The following SGCZ variants were observed in gnomAD, a reference collection of about 807,000 sequenced individuals.
The protein encoded by SGCZ is sarcoglycan zeta.
Under a neutral mutation model 41.3 loss-of-function variants are expected in SGCZ, and 40 were observed. That is an observed-to-expected ratio of 0.97 (90% CI 0.75 to 1.26). SGCZ has a LOEUF of 1.26. Among genes scored for constraint, SGCZ ranks in the 50% most tolerant of loss-of-function variants. The probability of loss-of-function intolerance (pLI) is 0.00; values close to 1 mark genes in which losing one functional copy is unlikely to be tolerated. For synonymous variants in SGCZ, 206 were observed against 137.5 expected, an observed-to-expected ratio of 1.50 and a Z score of -3.49; for missense variants, 552 against 369.8, an observed-to-expected ratio of 1.49 and a Z score of -4.04.
intron 1 of SGCZ, among the ~76,000 whole-genome samples, chr8:15,142,717 T>A (rs921171119): frequency 7.3e-6 from 1 of 137,556 alleles, no homozygotes; most frequent in Admixed American, 7.5e-5. Flanking sequence ...GCTCAAGTCA[T>A]CCTCCAACCT....
chr8:14,682,769 G>T (rs773522331), intron 1 of SGCZ, among the ~76,000 whole-genome samples: 2 of 152,144 alleles, frequency 1.3e-5, no homozygotes, highest in African/African-American at 4.8e-5. Context: ...CTTTTACCAT[G>T]CAGAATACTT....
chr8:14,159,923 G>C (rs902432037), intron 5 of SGCZ, among the ~76,000 whole-genome samples: 6 of 152,132 alleles, frequency 3.9e-5, no homozygotes, highest in Non-Finnish European at 5.9e-5. Context: ...TTAAAAGACA[G>C]CTCTTCAGAA....
chr8:15,130,456 C>T (rs1020885672), intron 1 of SGCZ, among the ~76,000 whole-genome samples: 11 of 152,118 alleles, frequency 7.2e-5, no homozygotes, highest in African/African-American at 2.7e-4. Context: ...AATTTTGTAG[C>T]AAATACATAC....
chr8:14,731,966 GA>G (rs938236995), intron 1 of SGCZ, among the ~76,000 whole-genome samples: 1 of 152,114 alleles, frequency 6.6e-6, no homozygotes, highest in African/African-American at 2.4e-5. Flanking sequence ...CCATTAATGT[GA>G]AATATGACAC....
chr8:15,215,876 G>T (rs1801382919), intron 1 of SGCZ, among the ~76,000 whole-genome samples: 1 of 152,274 alleles, frequency 6.6e-6, no homozygotes, highest in African/African-American at 2.4e-5. Flanking sequence ...AATGTGATGA[G>T]ACAGTACAAA....
At chr8:15,162,694 T>C (rs1799545272) in intron 1 of SGCZ, among the ~76,000 whole-genome samples, 2 of 152,236 alleles carry the variant, frequency 1.3e-5, no homozygotes, top group African/African-American at 4.8e-5. Flanking sequence ...GGACACCTTA[T>C]CATCATCTTC....
At chr8:14,486,818 G>C (rs966166763) in intron 2 of SGCZ, among the ~76,000 whole-genome samples, 4 of 152,170 alleles carry the variant, frequency 2.6e-5, no homozygotes, top group African/African-American at 9.7e-5. Flanking sequence ...ACCACACTTG[G>C]GCTGTGAATG....
chr8:14,173,351 G>C (rs1338424240), intron 4 of SGCZ, among the ~76,000 whole-genome samples: 1 of 151,928 alleles, frequency 6.6e-6, no homozygotes, highest in Non-Finnish European at 1.5e-5. Flanking sequence ...AGATGTAAAG[G>C]AAGACGGACA....
At chr8:14,748,369 T>G (rs1799399870) in intron 1 of SGCZ, among the ~76,000 whole-genome samples, 1 of 152,180 alleles carries the variant, frequency 6.6e-6, no homozygotes, top group African/African-American at 2.4e-5. Context: ...TATGGTGGCA[T>G]GAATGGGCAA....
chr8:15,001,126 A>G (rs571364768), intron 1 of SGCZ, among the ~76,000 whole-genome samples: 2 of 152,350 alleles, frequency 1.3e-5, no homozygotes, highest in South Asian at 2.1e-4. Flanking sequence ...GCCATGCCCA[A>G]AGATTGGGAG....
intron 1 of SGCZ, among the ~76,000 whole-genome samples, chr8:14,588,586 C>A (rs1464117845): frequency 6.6e-6 from 1 of 151,746 alleles, no homozygotes; most frequent in East Asian, 1.9e-4. Context: ...GTTTAAACTA[C>A]TTGGGCAAAT....
At chr8:14,924,752 A>C (rs1389313086) in intron 1 of SGCZ, among the ~76,000 whole-genome samples, 1 of 152,178 alleles carries the variant, frequency 6.6e-6, no homozygotes, top group Admixed American at 6.5e-5. Flanking sequence ...AGGCTAAAAA[A>C]CACAAAATGT....
At chr8:14,329,942 C>A (rs147659716) in intron 2 of SGCZ, among the ~76,000 whole-genome samples, 1 of 151,964 alleles carries the variant, frequency 6.6e-6, no homozygotes, top group Admixed American at 6.6e-5. Flanking sequence ...AACAGCTCCA[C>A]GTTTTGCCAT....
At chr8:15,121,794 T>C (rs1349841220) in intron 1 of SGCZ, among the ~76,000 whole-genome samples, 2 of 151,820 alleles carry the variant, frequency 1.3e-5, no homozygotes, top group Admixed American at 1.3e-4. Context: ...AAGCATGGTT[T>C]TGAAAACAGT....
chr8:14,339,516 A>T (rs1293805453), intron 2 of SGCZ, among the ~76,000 whole-genome samples: 1 of 152,202 alleles, frequency 6.6e-6, no homozygotes, highest in Non-Finnish European at 1.5e-5. Flanking sequence ...AATCATCGTC[A>T]ATGTTTTCTT....
At chr8:14,802,174 G>A (rs1296268251) in intron 1 of SGCZ, among the ~76,000 whole-genome samples, 1 of 152,108 alleles carries the variant, frequency 6.6e-6, no homozygotes, top group East Asian at 1.9e-4. Context: ...GAAAGGCAAG[G>A]GGAAAACCTT....
intron 1 of SGCZ, among the ~76,000 whole-genome samples, chr8:14,686,285 A>C (rs1163284462): frequency 6.6e-6 from 1 of 152,182 alleles, no homozygotes; most frequent in Non-Finnish European, 1.5e-5. Context: ...AATATGTTGT[A>C]AGCACTAAAT....
chr8:14,205,520 G>A (rs1805589324), intron 4 of SGCZ, among the ~76,000 whole-genome samples: 1 of 152,098 alleles, frequency 6.6e-6, no homozygotes, highest in African/African-American at 2.4e-5. Flanking sequence ...GTCATCCACT[G>A]TTTGTTATTT....
chr8:15,087,364 T>C (rs1805987278), intron 1 of SGCZ, among the ~76,000 whole-genome samples: 1 of 152,262 alleles, frequency 6.6e-6, no homozygotes, highest in East Asian at 1.9e-4. Context: ...TCCATGTGCA[T>C]GTTGGGATAT....
Sources: allele counts gnomAD v4.1 joint callset (sites outside exome capture counted in the v4.1 genomes callset), GRCh38; gene constraint gnomAD v4.1.1; transcripts MANE v1.5; gene names NCBI Gene and HGNC (gene_info 2026-07-23, HGNC 2026-07-21).